GOLGA4: variants seen among roughly 807,000 people sequenced by gnomAD.
GOLGA4 encodes the protein golgin subfamily A member 4.
A neutral mutation model predicts 265.9 loss-of-function variants in GOLGA4; 169 were observed. That is an observed-to-expected ratio of 0.64 (90% CI 0.56 to 0.72). The LOEUF (loss-of-function observed/expected upper bound fraction) is 0.72. Ranked by LOEUF, GOLGA4 falls within the 30% of genes least tolerant of loss-of-function variation. GOLGA4 has a pLI of 0.00. For synonymous variants in GOLGA4, 923 were observed against 855.8 expected, an observed-to-expected ratio of 1.08 and a Z score of -1.37; for missense variants, 2,482 against 2,483.4, an observed-to-expected ratio of 1.00 and a Z score of 0.01.
At chr3:37,276,302 C>A in intron 2 of GOLGA4, 1 of 1,599,288 alleles carries the variant, frequency 6.3e-7, no homozygotes, top group Non-Finnish European at 8.6e-7. Flanking sequence ...TGCAAAAAAT[C>A]CAAATTTAAG....
intron 1 of GOLGA4, among the ~76,000 whole-genome samples, chr3:37,245,898 C>T (rs896226107): frequency 1.3e-5 from 2 of 151,956 alleles, no homozygotes; most frequent in Non-Finnish European, 2.9e-5. Flanking sequence ...ATTTTGTAAC[C>T]TTTCTTTCTG....
intron 10 of GOLGA4, among the ~76,000 whole-genome samples, chr3:37,305,533 A>G (rs1024218936): frequency 6.6e-6 from 1 of 152,246 alleles, no homozygotes; most frequent in South Asian, 2.1e-4. Context: ...ATTAAGTACT[A>G]AACATAAGAA....
chr3:37,340,013 C>A, intron 19 of GOLGA4, 111 bp from the exon 20 acceptor site: 1 of 506,086 alleles, frequency 2.0e-6, no homozygotes, highest in African/African-American at 2.0e-5. Flanking sequence ...ATTTTATTTG[C>A]CTATATTCTG....
chr3:37,292,789 C>T (rs2150825152), intron 5 of GOLGA4, among the ~76,000 whole-genome samples: 1 of 152,310 alleles, frequency 6.6e-6, no homozygotes, highest in Admixed American at 6.5e-5. Flanking sequence ...AAAATCTCTC[C>T]ACATTGGCTT....
At chr3:37,327,897 T>A (rs1422319610) in intron 14 of GOLGA4, 72 bp downstream of exon 14, 1 of 1,175,698 alleles carries the variant, frequency 8.5e-7, no homozygotes, top group African/African-American at 1.5e-5. Context: ...TTGTGCCTAA[T>A]ACAGTTATTT....
chr3:37,308,285 T>A (rs1366977416), intron 10 of GOLGA4, among the ~76,000 whole-genome samples: 1 of 151,376 alleles, frequency 6.6e-6, no homozygotes, highest in Non-Finnish European at 1.5e-5. Flanking sequence ...AATTGGTAAA[T>A]TTTTTGAAAG....
chr3:37,272,151 T>C (rs1014402632), intron 2 of GOLGA4, among the ~76,000 whole-genome samples: 11 of 152,304 alleles, frequency 7.2e-5, no homozygotes, highest in African/African-American at 2.6e-4. Flanking sequence ...ATAAATGTAA[T>C]GCATTTGAAT....
intron 23 of GOLGA4, among the ~76,000 whole-genome samples, chr3:37,364,545 A>G (rs565219552): frequency 6.7e-6 from 1 of 148,602 alleles, no homozygotes; most frequent in Non-Finnish European, 1.5e-5. Flanking sequence ...CCTGGCCAGC[A>G]TTTTCATTTG....
rs371818610 is a variant in GOLGA4, at chr3:37,348,856, T to TAGCATA, written c.6576+1575_6576+1580dup. Among the ~76,000 whole-genome samples, 1,090 of 152,258 alleles carry TAGCATA rather than the reference T, an allele frequency of 7.2e-3. 13 individuals carry two copies. The highest frequency in any genetic ancestry group is 0.024 in the African/African-American group (1,006 of 41,532). The stretch of plus-strand genomic sequence containing the variant: ...AGCTTAACTACCCTGAAGAAAGACC[T>TAGCATA]AGCATAAGCATAAGCATAAGAGGCT... On this transcript the variant is annotated intron_variant, in intron 21 of 23. Coordinates refer to ENST00000361924, the MANE Select transcript of GOLGA4 (RefSeq NM_002078.5).
intron 21 of GOLGA4, among the ~76,000 whole-genome samples, chr3:37,352,161 G>T (rs764719075): frequency 6.6e-6 from 1 of 151,842 alleles, no homozygotes; most frequent in African/African-American, 2.4e-5. Context: ...CCCTTCTCAC[G>T]GCTGCTAATA....
chr3:37,302,095 C>T, intron 9 of GOLGA4, 90 bp from the exon 10 acceptor site: 1 of 1,165,008 alleles, frequency 8.6e-7, no homozygotes, highest in Non-Finnish European at 1.3e-6. Context: ...CATGCCCGGC[C>T]TTTTTCTGCC....
At chr3:37,313,690 GCATA>G (rs1241913477) in intron 10 of GOLGA4, among the ~76,000 whole-genome samples, 1 of 152,206 alleles carries the variant, frequency 6.6e-6, no homozygotes, top group East Asian at 1.9e-4. Flanking sequence ...GTGTGTGCAT[GCATA>G]CATACATATA....
chr3:37,298,192 C>T (rs1328427801), intron 7 of GOLGA4, among the ~76,000 whole-genome samples: 1 of 152,090 alleles, frequency 6.6e-6, no homozygotes, highest in African/African-American at 2.4e-5. Flanking sequence ...CACGCAGAGC[C>T]GAGTGTGCAC....
intron 16 of GOLGA4, among the ~76,000 whole-genome samples, chr3:37,330,999 C>G (rs2096988294): frequency 6.7e-6 from 1 of 149,104 alleles, no homozygotes; most frequent in Non-Finnish European, 1.5e-5. Flanking sequence ...CCACTGCACT[C>G]CAGCCTGGGC....
At chr3:37,311,675 C>A (rs2096923489) in intron 10 of GOLGA4, among the ~76,000 whole-genome samples, 1 of 152,150 alleles carries the variant, frequency 6.6e-6, no homozygotes, top group Non-Finnish European at 1.5e-5. Context: ...GGTTCCCTGA[C>A]ATGGTACTGG....
chr3:37,294,742 G>C (rs1365686134), intron 5 of GOLGA4, among the ~76,000 whole-genome samples: 1 of 152,188 alleles, frequency 6.6e-6, no homozygotes, highest in East Asian at 1.9e-4. Flanking sequence ...CATCATTACA[G>C]CTCTGGAAAG....
At chr3:37,353,662 T>C (rs1485200448) in intron 21 of GOLGA4, among the ~76,000 whole-genome samples, 1 of 152,046 alleles carries the variant, frequency 6.6e-6, no homozygotes, top group African/African-American at 2.4e-5. Context: ...CTCTCCCAAG[T>C]AGCTTGTAAT....
At chr3:37,307,077 T>C (rs1460651507) in intron 10 of GOLGA4, among the ~76,000 whole-genome samples, 1 of 152,208 alleles carries the variant, frequency 6.6e-6, no homozygotes. Context: ...AGTATTTTGC[T>C]TAGATTAGGG....
intron 2 of GOLGA4, among the ~76,000 whole-genome samples, chr3:37,259,180 T>C (rs562871245): frequency 2.0e-5 from 3 of 152,370 alleles, no homozygotes; most frequent in Admixed American, 2.0e-4. Context: ...ATTTTGCTTC[T>C]TCCTGAGTTA....
Sources: allele counts gnomAD v4.1 joint callset (sites outside exome capture counted in the v4.1 genomes callset), GRCh38; gene constraint gnomAD v4.1.1; transcripts MANE v1.5; gene names NCBI Gene and HGNC (gene_info 2026-07-23, HGNC 2026-07-21).